Variants in EPB41L1 observed in about 807,000 individuals in gnomAD.
EPB41L1 encodes band 4.1-like protein 1.
Under a neutral mutation model 97.8 loss-of-function variants are expected in EPB41L1, and 29 were observed. The observed-to-expected ratio is 0.30, with a 90% CI of 0.22 to 0.40. The LOEUF (loss-of-function observed/expected upper bound fraction) is 0.40, where lower values mean the gene tolerates loss of function less well. EPB41L1 is among the 10% of genes least tolerant of loss of function. EPB41L1 has a pLI of 1.00. For missense variants in EPB41L1, 812 were observed against 1,162.3 expected, an observed-to-expected ratio of 0.70 and a Z score of 4.38; for synonymous variants, 383 against 459.2, an observed-to-expected ratio of 0.83 and a Z score of 2.12.
At chr20:36,161,739 T>G (rs2060533699) in intron 1 of EPB41L1, among the ~76,000 whole-genome samples, 1 of 152,006 alleles carries the variant, frequency 6.6e-6, no homozygotes, top group Non-Finnish European at 1.5e-5. Context: ...CCTCCCAAAG[T>G]GCTGGGATTA....
upstream of EPB41L1, among the ~76,000 whole-genome samples, chr20:36,150,069 TG>T (rs1481831143): frequency 2.0e-5 from 3 of 151,820 alleles, no homozygotes; most frequent in African/African-American, 7.3e-5. Context: ...AAGGTTTTTT[TG>T]TTTTTTTTTT....
chr20:36,100,899 C>T (rs908050899), intron 1 of EPB41L1, among the ~76,000 whole-genome samples: 13 of 152,282 alleles, frequency 8.5e-5, no homozygotes, highest in South Asian at 4.1e-4. Context: ...CCTTGGGGCC[C>T]GCCAAGGCTC....
intron 1 of EPB41L1, 103 bp from the exon 2 acceptor site, chr20:36,173,661 C>A: frequency 1.9e-6 from 2 of 1,026,166 alleles, no homozygotes; most frequent in Non-Finnish European, 3.1e-6. Flanking sequence ...ACTCTTTGTC[C>A]GTTTGCCTCC....
chr20:36,175,689 G>A lies in EPB41L1; in HGVS notation c.316G>A (p.Ala106Thr), dbSNP rs1482130803. 6.2e-7 allele frequency: 1 copy of A among 1,614,064 alleles called. No individual in the cohort carries two copies. The highest frequency in any genetic ancestry group is 1.1e-5 in the South Asian group (1 of 91,068). ...CATCTGCCGGGTCACTCTGCTTGATGCCTCGGAGTATGAGTGTGAGGTGGA... is the reference window on the plus strand; with the variant it reads ...CATCTGCCGGGTCACTCTGCTTGATACCTCGGAGTATGAGTGTGAGGTGGA... ...SAICRVTLLD[A>T]SEYECEVEKH... Residue 106 changes from alanine to threonine, a missense_variant, in exon 3 of 22, where the codon GCC (alanine) becomes ACC (threonine). Around this residue, in one of 3 missense-constraint regions of EPB41L1, gnomAD observed 230 missense variants for 445.2 expected, o/e 0.52. Transcript: ENST00000338074.
At chr20:36,097,371 A>G (rs897336824) in intron 1 of EPB41L1, among the ~76,000 whole-genome samples, 4 of 152,208 alleles carry the variant, frequency 2.6e-5, no homozygotes, top group African/African-American at 9.7e-5. Flanking sequence ...CAGGACCAGT[A>G]CTAGTATCTG....
upstream of EPB41L1, chr20:36,152,859 G>T: frequency 2.4e-6 from 1 of 413,914 alleles, no homozygotes; most frequent in South Asian, 1.7e-5. Context: ...GGGATGAGAA[G>T]TCCAAAGGCA....
rs569390565 is a variant in EPB41L1 at position 36,216,384 on chromosome 20, G to A, written c.2268+1944G>A. 3.9e-5 allele frequency among the ~76,000 whole-genome samples: 6 copies of A among 152,324 alleles called. No individual in the cohort carries two copies. In the East Asian group the frequency reaches 5.8e-4, roughly 15 times the overall value. On this transcript the variant is annotated intron_variant, in intron 17 of 21. Transcript: ENST00000338074. Reference sequence around the variant, plus strand: ...CAAGAAAGCCAGATGTCAAGCACACGGAGGAGGAGTCGGGGGGGAAGAGCT... The same window carrying A: ...CAAGAAAGCCAGATGTCAAGCACACAGAGGAGGAGTCGGGGGGGAAGAGCT...
chr20:36,115,054 T>C (rs1262561859), intron 2 of EPB41L1, among the ~76,000 whole-genome samples: 1 of 152,236 alleles, frequency 6.6e-6, no homozygotes, highest in Non-Finnish European at 1.5e-5. Context: ...CAATAGCTAA[T>C]GTGCATTGAA....
At chr20:36,127,770 A>G (rs1252837995) in intron 2 of EPB41L1, among the ~76,000 whole-genome samples, 6 of 151,954 alleles carry the variant, frequency 3.9e-5, no homozygotes, top group Non-Finnish European at 8.8e-5. Context: ...CTGACCTTCC[A>G]TGGCCCTCCT....
At chr20:36,107,647 T>TG (rs368196122) in intron 1 of EPB41L1, among the ~76,000 whole-genome samples, 151,512 of 151,514 alleles carry the variant, frequency 1, 75,755 homozygotes, top group Non-Finnish European at 1. Context: ...CTGGCCAGCA[T>TG]GTGAAACCCC....
At chr20:36,192,280 C>T (rs1178537766) in intron 11 of EPB41L1, among the ~76,000 whole-genome samples, 2 of 152,014 alleles carry the variant, frequency 1.3e-5, no homozygotes, top group East Asian at 3.9e-4. Flanking sequence ...CACCTATAAT[C>T]CCAACACTTC....
chr20:36,138,262 C>A (rs1600520092), intron 2 of EPB41L1, among the ~76,000 whole-genome samples: 2 of 131,804 alleles, frequency 1.5e-5, no homozygotes, highest in African/African-American at 5.6e-5. Context: ...ATGGTTAGCA[C>A]TTTTTTTTTT....
chr20:36,178,922 G>A (rs566623573), intron 5 of EPB41L1, among the ~76,000 whole-genome samples: 17 of 151,964 alleles, frequency 1.1e-4, no homozygotes, highest in African/African-American at 3.9e-4. Context: ...TTAGCTGGGC[G>A]TGGTGGCGGG....
intron 1 of EPB41L1, among the ~76,000 whole-genome samples, chr20:36,103,555 G>A (rs1218849806): frequency 6.6e-6 from 1 of 152,212 alleles, no homozygotes; most frequent in African/African-American, 2.4e-5. Context: ...AAGAGGTAGG[G>A]ATGACAAGTC....
At chr20:36,129,436 T>C (rs556384945) in intron 2 of EPB41L1, among the ~76,000 whole-genome samples, 7 of 152,110 alleles carry the variant, frequency 4.6e-5, no homozygotes, top group African/African-American at 1.7e-4. Flanking sequence ...GACGCCTTCC[T>C]GGGGAATGTG....
At chr20:36,105,074 C>T (rs1406246641) in intron 1 of EPB41L1, among the ~76,000 whole-genome samples, 1 of 152,050 alleles carries the variant, frequency 6.6e-6, no homozygotes, top group South Asian at 2.1e-4. Context: ...GAGAAAGGGC[C>T]ACATAGGTGG....
At chr20:36,201,248 C>G (rs2062480066) in intron 14 of EPB41L1, among the ~76,000 whole-genome samples, 1 of 152,196 alleles carries the variant, frequency 6.6e-6, no homozygotes, top group Non-Finnish European at 1.5e-5. Flanking sequence ...GCCTGCATTG[C>G]CTTTGGCCTC....
intron 2 of EPB41L1, among the ~76,000 whole-genome samples, chr20:36,120,541 C>T (rs2058718702): frequency 1.3e-5 from 2 of 152,126 alleles, no homozygotes; most frequent in Admixed American, 1.3e-4. Flanking sequence ...CCAACCGTGT[C>T]CCTGTCTGTT....
chr20:36,097,652 G>A (rs1291264332), intron 1 of EPB41L1, among the ~76,000 whole-genome samples: 19 of 152,190 alleles, frequency 1.2e-4, no homozygotes, highest in Non-Finnish European at 2.9e-5. Context: ...GCCAGGGTGT[G>A]GCTGTTTATG....
Sources: gnomAD v4.1 joint callset for allele counts (sites outside exome capture counted in the v4.1 genomes callset) on GRCh38, gnomAD v4.1.1 for gene constraint, gnomAD v4.1.1 regional missense constraint, MANE v1.5 for transcripts, NCBI Gene and HGNC (gene_info 2026-07-23, HGNC 2026-07-21) for gene names.